ATP5PB: variants seen among roughly 807,000 people sequenced by gnomAD.
The protein encoded by ATP5PB is ATP synthase peripheral stalk subunit b, mitochondrial.
Under a neutral mutation model 34.5 loss-of-function variants are expected in ATP5PB, and 21 were observed. That is an observed-to-expected ratio of 0.61 (90% CI 0.43 to 0.88). The LOEUF is 0.88. Among genes scored for constraint, ATP5PB ranks in the 40% least tolerant of loss-of-function variants. ATP5PB has a pLI of 0.00. For synonymous variants in ATP5PB, 108 were observed against 114.1 expected (o/e 0.95, Z 0.34); for missense variants, 293 against 317.4 (o/e 0.92, Z 0.58).
rs1404917843 is a variant in ATP5PB at position 111,449,584 on chromosome 1, A to G, written c.40+3A>G. Reference sequence around the variant, plus strand: ...ACTTTCCGCCGCCGCCACAGCGGGTAAGGGGTATAGACCCTGCTCTGGACT... The same window carrying G: ...ACTTTCCGCCGCCGCCACAGCGGGTGAGGGGTATAGACCCTGCTCTGGACT... On this transcript the variant is annotated splice_donor_region_variant and intron_variant, in intron 1 of 6. Coordinates refer to ENST00000369722, the MANE Select transcript of ATP5PB (RefSeq NM_001688.5). The G allele has an allele frequency of 6.2e-7, 1 of 1,607,060 alleles. No individual in the cohort carries two copies. The highest frequency in any genetic ancestry group is 8.5e-7 in the Non-Finnish European group (1 of 1,176,366).
In ATP5PB at chr1:111,456,147, T is replaced by G. The variant is rs1245756656; in HGVS notation, c.285T>G (p.Ile95Met). 2 of 1,612,276 alleles carry G rather than the reference T, an allele frequency of 1.2e-6. No individual in the cohort carries two copies. The highest frequency in any genetic ancestry group is 2.7e-5 in the African/African-American group (2 of 74,864). The stretch of plus-strand genomic sequence containing the variant: ...CTTTATCCAAAGAAATATATGTGAT[T>G]AGCGCAGAGACCTTCACTGCCCTAT... Reference protein sequence around the residue: ...LYALSKEIYVISAETFTALSV... With the variant: ...LYALSKEIYVMSAETFTALSV... The change falls in exon 4 of 7, where the codon ATT (isoleucine) becomes ATG (methionine). Residue 95 changes from isoleucine (I) to methionine (M), a missense_variant. Transcript: ENST00000369722.
At chr1:111,459,203 G>T (rs1653552920) in intron 5 of ATP5PB, among the ~76,000 whole-genome samples, 2 of 152,218 alleles carry the variant, frequency 1.3e-5, no homozygotes, top group African/African-American at 4.8e-5. Flanking sequence ...AAATATTTCT[G>T]GGAGGGAATA....
Position 111,461,022 on chromosome 1 carries a change from G to T in ATP5PB, c.*28G>T. On this transcript the variant is annotated 3_prime_UTR_variant, in exon 7 of 7. Coordinates refer to ENST00000369722, the MANE Select transcript of ATP5PB (RefSeq NM_001688.5). ...GTATCTATCCCAATTGAGACAGCTAGAAACAGTTGACTGACTAAATGGAAA... is the reference window on the plus strand; with the variant it reads ...GTATCTATCCCAATTGAGACAGCTATAAACAGTTGACTGACTAAATGGAAA... 1 of 1,593,058 alleles carries T rather than the reference G, an allele frequency of 6.3e-7. No individual in the cohort carries two copies. Among genetic ancestry groups the T allele is most frequent in the Non-Finnish European group, 8.6e-7 (1 of 1,163,486 alleles).
In ATP5PB at chr1:111,449,881, T is replaced by G. The variant is rs780519750; in HGVS notation, c.77+8T>G. ...AGCCTTCCTAGGTCCAGGGTAAGTG[T>G]GAGGATAATGCTCCCTTTCGTCTTT... On this transcript the variant is annotated splice_region_variant and intron_variant, in intron 2 of 6. Coordinates refer to ENST00000369722, the MANE Select transcript of ATP5PB (RefSeq NM_001688.5). 2 of 1,614,162 alleles carry G rather than the reference T, an allele frequency of 1.2e-6. No homozygotes were observed. The highest frequency in any genetic ancestry group is 1.7e-5 in the Admixed American group (1 of 60,024).
Position 111,462,449 on chromosome 1 carries a change from T to C in ATP5PB, c.*1455T>C, listed in dbSNP as rs929679536. ...TTTATGTGTATTTTACAATCTTTTT[T>C]TAAATTGAAGAAAAATCCTGTAGAT... On this transcript the variant is annotated 3_prime_UTR_variant, in exon 7 of 7. Coordinates refer to ENST00000369722, the MANE Select transcript of ATP5PB (RefSeq NM_001688.5). 3 of 152,224 alleles carry C rather than the reference T, an allele frequency of 2.0e-5. No homozygotes were observed. Among genetic ancestry groups the C allele is most frequent in the Non-Finnish European group, 4.4e-5 (3 of 68,036 alleles). 9.4% of individuals were successfully genotyped at this position (152,224 alleles called of 1,614,324 possible).
intron 6 of ATP5PB, 103 bp downstream of exon 6, chr1:111,459,739 C>T (rs760199188): frequency 2.4e-5 from 30 of 1,271,248 alleles, no homozygotes; most frequent in Non-Finnish European, 3.0e-5. Context: ...AGTCTTTAGC[C>T]TAGAAGTAGC....
intron 2 of ATP5PB, among the ~76,000 whole-genome samples, chr1:111,450,773 G>A (rs1653302757): frequency 6.6e-6 from 1 of 152,118 alleles, no homozygotes; most frequent in Non-Finnish European, 1.5e-5. Context: ...CTATAATTAA[G>A]TCTCATGTAT....
At position 111,456,084 on chromosome 1, in the gene ATP5PB, A is replaced by G. The variant is rs1464875791; in HGVS notation, c.224-2A>G. On this transcript the variant is annotated splice_acceptor_variant, in intron 3 of 6. Transcript: ENST00000369722. LOFTEE classifies it high-confidence loss of function. ...TCATAAAATAACTCTTTCTTCTTTT[A>G]GGACCCTATGTACTCGGAACTGGGC... The G allele has an allele frequency of 6.4e-7, 1 of 1,568,272 alleles. No individual in the cohort carries two copies. Among genetic ancestry groups the G allele is most frequent in the Non-Finnish European group, 8.6e-7 (1 of 1,159,504 alleles).
rs772630790 is a variant in ATP5PB at position 111,456,628 on chromosome 1, A to G, written c.388-2A>G. The stretch of plus-strand genomic sequence containing the variant: ...TCTTTGTTGTTGCTATCACAATTGT[A>G]GCAAAAACTTGCCCAACTAGAAGAG... On this transcript the variant is annotated splice_acceptor_variant, in intron 4 of 6. Transcript: ENST00000369722. LOFTEE classifies it high-confidence loss of function. 8.1e-6 allele frequency: 13 copies of G among 1,611,322 alleles called. No individual in the cohort carries two copies. The Admixed American group carries it at 1.5e-4, about 19-fold the overall frequency.
intron 6 of ATP5PB, 54 bp from the exon 7 acceptor site, chr1:111,460,863 A>C: frequency 6.6e-7 from 1 of 1,526,674 alleles, no homozygotes; most frequent in East Asian, 2.3e-5. Context: ...TTTATACTCT[A>C]TACTTTTCTA....
At position 111,461,206 on chromosome 1, in the gene ATP5PB, G is replaced by T; in HGVS notation, c.*212G>T. ...TCTTGCTCTGCCTTTGAGTTGTTCC[G>T]TGATCACTTCTGAATAAGCAGTTTG... On this transcript the variant is annotated 3_prime_UTR_variant, in exon 7 of 7. Transcript: ENST00000369722. 2.1e-6 allele frequency: 1 copy of T among 468,666 alleles called. No individual in the cohort carries two copies. The highest frequency in any genetic ancestry group is 3.9e-6 in the Non-Finnish European group (1 of 256,028). The allele number at this position is 468,666 out of a possible 1,614,324, so 29.0% of individuals were successfully genotyped here.
Position 111,454,359 on chromosome 1 carries a change from G to A in ATP5PB, c.223+3G>A. On this transcript the variant is annotated splice_donor_region_variant and intron_variant, in intron 3 of 6. Transcript: ENST00000369722. Reference sequence around the variant, plus strand: ...TTATCCTAAAACTGGTGTAACAGGTGAGCATTTTTGCCTAGTCTCTGGTAA... The same window carrying A: ...TTATCCTAAAACTGGTGTAACAGGTAAGCATTTTTGCCTAGTCTCTGGTAA... 6.3e-7 allele frequency: 1 copy of A among 1,591,690 alleles called. No homozygotes were observed. Among genetic ancestry groups the A allele is most frequent in the Non-Finnish European group, 8.5e-7 (1 of 1,171,634 alleles).
intron 1 of ATP5PB, 62 bp downstream of exon 1, chr1:111,449,643 T>C: frequency 6.4e-7 from 1 of 1,561,992 alleles, no homozygotes; most frequent in Non-Finnish European, 8.7e-7. Flanking sequence ...AATCTAGGGG[T>C]GACAGGGAGG....
chr1:111,460,263 GTT>G (rs1653580738), intron 6 of ATP5PB, among the ~76,000 whole-genome samples: 2 of 151,762 alleles, frequency 1.3e-5, no homozygotes, highest in South Asian at 4.1e-4. Flanking sequence ...TAACTTGTCT[GTT>G]TTGAACGGAA....
chr1:111,454,446 TGTTGTTG>T (rs1653413559), intron 3 of ATP5PB, 90 bp downstream of exon 3: 1 of 1,402,676 alleles, frequency 7.1e-7, no homozygotes, highest in Non-Finnish European at 9.6e-7. Context: ...TTTTTGTTGT[TGTTGTTG>T]TTGTTGTTGT....
chr1:111,462,567 G>T lies in ATP5PB; in HGVS notation c.*1573G>T, dbSNP rs1050541709. On this transcript the variant is annotated 3_prime_UTR_variant, in exon 7 of 7. Coordinates refer to ENST00000369722, the MANE Select transcript of ATP5PB (RefSeq NM_001688.5). ...ATTTGTATTCAAATGGACAAATTAC[G>T]CAATAGGAAATATTTGAAAATATTT... 1 of 152,036 alleles carries T rather than the reference G, an allele frequency of 6.6e-6. No homozygotes were observed. 9.4% of individuals were successfully genotyped at this position (152,036 alleles called of 1,614,324 possible).
Position 111,449,517 on chromosome 1 carries a change from A to C in ATP5PB, c.-25A>C. 6.2e-7 allele frequency: 1 copy of C among 1,614,110 alleles called. No homozygotes were observed. The highest frequency in any genetic ancestry group is 1.7e-5 in the Admixed American group (1 of 60,016). On this transcript the variant is annotated 5_prime_UTR_variant, in exon 1 of 7. Coordinates refer to ENST00000369722, the MANE Select transcript of ATP5PB (RefSeq NM_001688.5). ...CTATCGGGGTCACAGGGACGCTAAG[A>C]TTGCTACCTGGACTTTCGTTGACCA...
In ATP5PB at chr1:111,460,952, A is replaced by G. The variant is rs142204470; in HGVS notation, c.729A>G (p.Leu243=). 161 of 1,613,108 alleles carry G rather than the reference A, an allele frequency of 1.0e-4. No individual in the cohort carries two copies. The highest frequency in any genetic ancestry group is 1.3e-4 in the Non-Finnish European group (152 of 1,179,796). The change falls in exon 7 of 7, where the codon CTA becomes CTG. Residue 243 remains leucine (L), a synonymous_variant. Transcript: ENST00000369722. The part of the protein sequence containing the change: ...KETIAKCIAD[L]KLLAKKAQAQ... ...CAATTGCCAAGTGCATTGCGGACCTAAAGCTGCTGGCAAAGAAGGCTCAAG... is the reference window on the plus strand; with the variant it reads ...CAATTGCCAAGTGCATTGCGGACCTGAAGCTGCTGGCAAAGAAGGCTCAAG...
chr1:111,458,775 C>T (rs538334975), intron 5 of ATP5PB, among the ~76,000 whole-genome samples: 2 of 152,214 alleles, frequency 1.3e-5, no homozygotes, highest in African/African-American at 4.8e-5. Flanking sequence ...AAGAGCTTGG[C>T]CTTATGTAGC....
Sources: allele counts gnomAD v4.1 joint callset (sites outside exome capture counted in the v4.1 genomes callset), GRCh38; gene constraint gnomAD v4.1.1; transcripts MANE v1.5; gene names NCBI Gene and HGNC (gene_info 2026-07-23, HGNC 2026-07-21).